Variants in OVCH2 observed in about 807,000 individuals in gnomAD.
The protein encoded by OVCH2 is ovochymase-2.
In OVCH2, 88 loss-of-function variants were observed where a neutral mutation model predicts 73.7. That is an observed-to-expected ratio of 1.19 (90% confidence interval 1.01 to 1.43). OVCH2 has a LOEUF of 1.43. OVCH2 is among the 40% of genes most tolerant of loss of function. OVCH2 has a pLI of 0.00. For missense variants in OVCH2, 706 were observed against 674.5 expected, an observed-to-expected ratio of 1.05 and a Z score of -0.52; for synonymous variants, 265 against 234.5, an observed-to-expected ratio of 1.13 and a Z score of -1.19.
Position 7,703,808 on chromosome 11 carries a change from A to T in OVCH2, c.199-19T>A. ...GAGATACCTAAATTGCAAATACCTT[A>T]AATGAAAGCAAGTTCATGCCCTGGG... On this transcript the variant is annotated intron_variant, in intron 2 of 15. Transcript: ENST00000533663. The T allele has an allele frequency of 6.3e-7, 1 of 1,578,494 alleles. No individual in the cohort carries two copies. The highest frequency in any genetic ancestry group is 2.3e-5 in the East Asian group (1 of 43,618).
At position 7,696,588 on chromosome 11, in the gene OVCH2, G is replaced by A. The variant is rs201666806; in HGVS notation, c.1018C>T (p.Arg340Trp). ...SLHLYYESKQ[R>W]CVWTLLVPEE... ...GGTACCAGCAGGGTCCAGACACACC[G>A]TCTGTAGGCAGATCATGGAGAGGGC... The change falls in exon 10 of 16, where the codon CGG becomes TGG. Residue 340 changes from arginine to tryptophan, a missense_variant and splice_region_variant. Arg to Trp is a moderately radical substitution (Grantham distance 101, BLOSUM62 -3). Coordinates refer to ENST00000533663, the MANE Select transcript of OVCH2 (RefSeq NM_198185.7). 340 of 1,614,014 alleles carry A rather than the reference G, an allele frequency of 2.1e-4. 1 individual carries two copies. In the African/African-American group the frequency reaches 3.8e-3, roughly 18 times the overall value.
the OVCH2 span, among the ~76,000 whole-genome samples, chr11:7,679,990 G>C: frequency 6.6e-6 from 1 of 152,200 alleles, no homozygotes; most frequent in Middle Eastern, 3.2e-3. Context: ...CTTGCTCTGT[G>C]AATCTCTTCC....
chr11:7,681,213 G>A, the OVCH2 span, among the ~76,000 whole-genome samples: 2 of 152,218 alleles, frequency 1.3e-5, no homozygotes, highest in Non-Finnish European at 2.9e-5. Context: ...GCTGACCAAT[G>A]CAGAATATTT....
rs772603676 is a variant in OVCH2, at chr11:7,701,409, G to A, written c.626C>T (p.Ala209Val). Residue 209 changes from alanine (A) to valine (V), a missense_variant, in exon 6 of 16, where the codon GCA becomes GTA. Ala to Val is a moderately conservative substitution (Grantham distance 64, BLOSUM62 0). Transcript: ENST00000533663. ...LPILTWEECV[A>V]ALLTLKRPIS... The stretch of plus-strand genomic sequence containing the variant: ...GGGCCTCTTTAGTGTTAACAGAGCT[G>A]CCACACACTCTTCCCAGGTCAAAAT... 8.7e-6 allele frequency: 14 copies of A among 1,612,718 alleles called. No individual in the cohort carries two copies. The highest frequency in any genetic ancestry group is 1.2e-5 in the Non-Finnish European group (14 of 1,179,524).
Position 7,691,358 on chromosome 11 carries a change from G to T in OVCH2, c.1550C>A (p.Pro517His), listed in dbSNP as rs1856216302. The T allele has an allele frequency of 2.5e-6, 4 of 1,613,830 alleles. No individual in the cohort carries two copies. Among genetic ancestry groups the T allele is most frequent in the South Asian group, 2.2e-5 (2 of 91,066 alleles). ...GAAGCTGATGAGCATGATGCTGGAG[G>T]GGCTCAGCACAGGGGTGGGGACATC... Reference protein sequence around the residue: ...GYDVPTPVLSPSSIMLISFQS... With the variant: ...GYDVPTPVLSHSSIMLISFQS... The change falls in exon 14 of 16, where the codon CCC becomes CAC. Residue 517 changes from proline (P) to histidine (H), a missense_variant. Pro to His is a moderately conservative substitution (Grantham distance 77, BLOSUM62 -2). Coordinates refer to ENST00000533663, the MANE Select transcript of OVCH2 (RefSeq NM_198185.7).
rs564138771 is a variant in OVCH2 at position 7,705,383 on chromosome 11, C to T, written c.89-709G>A. ...CAAGGGAAAAAACTTGCCTTATTCA[C>T]CTCTGCATTTCTAAGGTTTAGCTTA... is the stretch of plus-strand genomic sequence containing the variant. On this transcript the variant is annotated intron_variant, in intron 1 of 15. Coordinates refer to ENST00000533663, the MANE Select transcript of OVCH2 (RefSeq NM_198185.7). 5.9e-5 allele frequency: 9 copies of T among 152,310 alleles called. No individual in the cohort carries two copies. The East Asian group carries it at 1.5e-3, about 26-fold the overall frequency. 9.4% of individuals were successfully genotyped at this position (152,310 alleles called of 1,614,324 possible).
Position 7,705,414 on chromosome 11 carries a change from T to G in OVCH2, c.89-740A>C, listed in dbSNP as rs941021234. On this transcript the variant is annotated intron_variant, in intron 1 of 15. Coordinates refer to ENST00000533663, the MANE Select transcript of OVCH2 (RefSeq NM_198185.7). ...CATTTCTAAGGTTTAGCTTAATTCTTGGCATAAGTAAGCACTTAGAAACAC... is the reference window on the plus strand; with the variant it reads ...CATTTCTAAGGTTTAGCTTAATTCTGGGCATAAGTAAGCACTTAGAAACAC... 4 of 152,362 alleles carry G rather than the reference T, an allele frequency of 2.6e-5. No individual in the cohort carries two copies. The East Asian group carries it at 7.7e-4, about 29-fold the overall frequency. 9.4% of individuals were successfully genotyped at this position (152,362 alleles called of 1,614,324 possible). A position where few individuals can be genotyped will look rare whatever the true frequency, so the allele number is the denominator to read the frequency against.
chr11:7,691,077 C>T, intron 14 of OVCH2, 192 bp downstream of exon 14: 2 of 612,516 alleles, frequency 3.3e-6, no homozygotes, highest in Non-Finnish European at 5.5e-6. Flanking sequence ...ACCTTGAAGG[C>T]ACCTAACCTT....
the OVCH2 span, among the ~76,000 whole-genome samples, chr11:7,682,188 T>G: frequency 6.6e-6 from 1 of 152,246 alleles, no homozygotes; most frequent in Non-Finnish European, 1.5e-5. Context: ...CAATTTAGTT[T>G]GGAGAAGAAA....
chr11:7,702,069 C>A (rs1354995700), intron 4 of OVCH2, 88 bp downstream of exon 4: 1 of 1,236,968 alleles, frequency 8.1e-7, no homozygotes, highest in Non-Finnish European at 1.1e-6. Flanking sequence ...GTGCATGACC[C>A]AGAACGTATA....
chr11:7,694,234 C>T (rs1451668951), intron 12 of OVCH2, among the ~76,000 whole-genome samples: 2 of 152,136 alleles, frequency 1.3e-5, no homozygotes, highest in Admixed American at 1.3e-4. Flanking sequence ...CTACTTCTAC[C>T]TCCCTGATGA....
downstream of OVCH2, among the ~76,000 whole-genome samples, chr11:7,687,895 G>A (rs1731651710): frequency 6.6e-6 from 1 of 152,062 alleles, no homozygotes; most frequent in African/African-American, 2.4e-5. Flanking sequence ...ACAAAGGGGA[G>A]AGTAGAAAGA....
chr11:7,695,622 A>T lies in OVCH2; in HGVS notation c.1230T>A (p.Asn410Lys). Residue 410 changes from asparagine (N) to lysine (K), a missense_variant, in exon 11 of 16, where the codon AAT becomes AAA. By Grantham distance (94) the Asn-to-Lys change is moderately conservative. Transcript: ENST00000533663. Reference protein sequence around the residue: ...RLKFVSDATDNAAGFNLTYKA... With the variant: ...RLKFVSDATDKAAGFNLTYKA... ...TATAGGTAAGATTAAACCCAGCTGC[A>T]TTATCTGTGGCATCAGAGACGAATT... The T allele has an allele frequency of 1.2e-6, 2 of 1,612,592 alleles. No homozygotes were observed. The highest frequency in any genetic ancestry group is 1.7e-6 in the Non-Finnish European group (2 of 1,179,722).
chr11:7,687,308 A>AAT (rs1565164515), downstream of OVCH2, among the ~76,000 whole-genome samples: 16,040 of 132,426 alleles, frequency 0.12, 1,177 homozygotes, highest in African/African-American at 0.21. Flanking sequence ...ATGGCTGTGG[A>AAT]AATAATAATA....
chr11:7,690,540 C>T (rs960099817), intron 14 of OVCH2, among the ~76,000 whole-genome samples: 11 of 151,966 alleles, frequency 7.2e-5, no homozygotes, highest in Non-Finnish European at 1.5e-4. Flanking sequence ...TACAGTCACT[C>T]GTTCTTTGTG....
At chr11:7,700,528 T>A in intron 6 of OVCH2, 43 bp from the exon 7 acceptor site, 1 of 1,547,072 alleles carries the variant, frequency 6.5e-7, no homozygotes, top group Non-Finnish European at 8.7e-7. Flanking sequence ...TGTCAGTGTC[T>A]ATGCCCCAAA....
At chr11:7,705,332 C>T (rs1472661703) in intron 1 of OVCH2, 1 of 152,172 alleles carries the variant, frequency 6.6e-6, no homozygotes, top group African/African-American at 2.4e-5. Context: ...GAATTATTTG[C>T]CTCTATCATC....
At chr11:7,691,010 C>A (rs941706008) in intron 14 of OVCH2, among the ~76,000 whole-genome samples, 4 of 152,140 alleles carry the variant, frequency 2.6e-5, no homozygotes, top group Admixed American at 1.3e-4. Flanking sequence ...AATAACATAT[C>A]TTTAAACAGA....
In OVCH2 at chr11:7,693,847, C is replaced by T. The variant is rs191498289; in HGVS notation, c.1413+1211G>A. On this transcript the variant is annotated intron_variant, in intron 12 of 15. Coordinates refer to ENST00000533663, the MANE Select transcript of OVCH2 (RefSeq NM_198185.7). ...AACTCCTCTCAATTGTTCAATTTCCCATCTAATTATTCTCCCTTTTTTATG... is the reference window on the plus strand; with the variant it reads ...AACTCCTCTCAATTGTTCAATTTCCTATCTAATTATTCTCCCTTTTTTATG... 3.9e-5 allele frequency among the ~76,000 whole-genome samples: 6 copies of T among 152,304 alleles called. No individual in the cohort carries two copies. In the East Asian group the frequency reaches 5.8e-4, roughly 15 times the overall value.
Sources: allele counts gnomAD v4.1 joint callset (sites outside exome capture counted in the v4.1 genomes callset), GRCh38; gene constraint gnomAD v4.1.1; transcripts MANE v1.5; gene names NCBI Gene and HGNC (gene_info 2026-07-23, HGNC 2026-07-21).